ITFG1: variants seen among roughly 807,000 people sequenced by gnomAD.
ITFG1 encodes the protein integrin alpha FG-GAP repeat containing 1.
Under a neutral mutation model 81.8 loss-of-function variants are expected in ITFG1, and 34 were observed. The ratio of observed to expected loss-of-function variants is 0.42; its 90% CI spans 0.32 to 0.55. The LOEUF (loss-of-function observed/expected upper bound fraction) is 0.55, where lower values mean the gene tolerates loss of function less well. ITFG1 is among the 20% of genes least tolerant of loss of function. ITFG1 has a pLI of 0.17. For synonymous variants in ITFG1, 285 were observed against 270.6 expected, an observed-to-expected ratio of 1.05 and a Z score of -0.52; for missense variants, 672 against 755.4, an observed-to-expected ratio of 0.89 and a Z score of 1.29.
intron 12 of ITFG1, among the ~76,000 whole-genome samples, chr16:47,257,260 T>G (rs1429697310): frequency 6.6e-6 from 1 of 152,182 alleles, no homozygotes; most frequent in Non-Finnish European, 1.5e-5. Flanking sequence ...AAAACCCTCC[T>G]AGAACCAGTT....
At chr16:47,415,265 A>G (rs568591980) in intron 6 of ITFG1, among the ~76,000 whole-genome samples, 1 of 152,362 alleles carries the variant, frequency 6.6e-6, no homozygotes, top group East Asian at 1.9e-4. Context: ...TTCCTTTGCA[A>G]GAATAAAGGA....
chr16:47,410,247 C>T (rs2151602660), intron 6 of ITFG1, among the ~76,000 whole-genome samples: 1 of 152,218 alleles, frequency 6.6e-6, no homozygotes, highest in Admixed American at 6.5e-5. Flanking sequence ...CCCCTGCATT[C>T]CAGCCTGGGT....
chr16:47,180,943 T>C (rs1965102824), intron 14 of ITFG1, among the ~76,000 whole-genome samples: 3 of 139,986 alleles, frequency 2.1e-5, no homozygotes, highest in South Asian at 2.4e-4. Flanking sequence ...GTGAGGAGCG[T>C]CTCTGCCCGG....
At chr16:47,231,965 C>A (rs1204516342) in intron 13 of ITFG1, among the ~76,000 whole-genome samples, 1 of 152,088 alleles carries the variant, frequency 6.6e-6, no homozygotes, top group Non-Finnish European at 1.5e-5. Flanking sequence ...AAGAGGAAGG[C>A]AGTATGCATT....
chr16:47,341,035 A>G lies in ITFG1; in HGVS notation c.802+24753T>C, dbSNP rs1200021577. Reference sequence around the variant, plus strand: ...AATGAAGCAAAAAAGCAATAGCAGAAGAGAAACAAGAAAATTCACGAATAC... The same window carrying G: ...AATGAAGCAAAAAAGCAATAGCAGAGGAGAAACAAGAAAATTCACGAATAC... On this transcript the variant is annotated intron_variant, in intron 8 of 17. Coordinates refer to ENST00000320640, the MANE Select transcript of ITFG1 (RefSeq NM_030790.5). Among the ~76,000 whole-genome samples, 3 of 152,200 alleles carry G rather than the reference A, an allele frequency of 2.0e-5. No homozygotes were observed. In the East Asian group the frequency reaches 5.8e-4, roughly 29 times the overall value.
Position 47,287,696 on chromosome 16 carries a change from C to T in ITFG1, c.1070+23544G>A, listed in dbSNP as rs529653922. ...GTGACTACAGGTGTGTGCCACCATA[C>T]CAGGGTTGTCTGTTTTTGATTCTGG... is the stretch of plus-strand genomic sequence containing the variant. On this transcript the variant is annotated intron_variant, in intron 10 of 17. Transcript: ENST00000320640. Among the ~76,000 whole-genome samples, 11 of 152,284 alleles carry T rather than the reference C, an allele frequency of 7.2e-5. No homozygotes were observed. The South Asian group carries it at 2.1e-3, about 29-fold the overall frequency.
intron 14 of ITFG1, among the ~76,000 whole-genome samples, chr16:47,198,066 A>G (rs906826996): frequency 1.3e-5 from 2 of 152,228 alleles, no homozygotes; most frequent in African/African-American, 4.8e-5. Flanking sequence ...GAAGTTTAAG[A>G]AAACAAAATA....
chr16:47,311,202 A>C (rs756457419), intron 10 of ITFG1, 38 bp downstream of exon 10: 3 of 1,477,674 alleles, frequency 2.0e-6, no homozygotes, highest in Non-Finnish European at 2.8e-6. Context: ...TTTCTCACAT[A>C]GTTTACAAAT....
chr16:47,185,288 G>T (rs1186680539), intron 14 of ITFG1, among the ~76,000 whole-genome samples: 4 of 152,160 alleles, frequency 2.6e-5, no homozygotes, highest in African/African-American at 4.8e-5. Flanking sequence ...CTAATAGACA[G>T]CTACAGAACT....
At chr16:47,427,394 T>G (rs952936230) in intron 6 of ITFG1, among the ~76,000 whole-genome samples, 2 of 152,182 alleles carry the variant, frequency 1.3e-5, no homozygotes, top group African/African-American at 4.8e-5. Context: ...CAGTGGTTCA[T>G]GTCTGTAATC....
At chr16:47,162,417 G>T in intron 15 of ITFG1, 123 bp downstream of exon 15, 2 of 834,706 alleles carry the variant, frequency 2.4e-6, no homozygotes, top group Non-Finnish European at 3.5e-6. Flanking sequence ...TTCTTTAAAG[G>T]GAATAAAAAT....
intron 8 of ITFG1, 193 bp downstream of exon 8, chr16:47,365,595 T>C: frequency 2.1e-6 from 1 of 467,566 alleles, no homozygotes; most frequent in Non-Finnish European, 3.8e-6. Flanking sequence ...ACATCATAAA[T>C]TTCTCCTTAT....
intron 6 of ITFG1, among the ~76,000 whole-genome samples, chr16:47,400,163 A>T (rs1385666308): frequency 1.3e-5 from 2 of 152,196 alleles, no homozygotes; most frequent in Non-Finnish European, 1.5e-5. Flanking sequence ...ATTCTTAACC[A>T]TGAGGCTCCA....
At chr16:47,445,614 C>A (rs1969315330) in intron 5 of ITFG1, among the ~76,000 whole-genome samples, 1 of 152,182 alleles carries the variant, frequency 6.6e-6, no homozygotes, top group Admixed American at 6.6e-5. Context: ...GTGCCTATAT[C>A]AGGAGGTAGA....
intron 6 of ITFG1, among the ~76,000 whole-genome samples, chr16:47,406,508 A>G (rs1968731209): frequency 6.6e-6 from 1 of 152,232 alleles, no homozygotes; most frequent in Non-Finnish European, 1.5e-5. Flanking sequence ...ACTTAAAAAT[A>G]TGCTAGCTGT....
intron 8 of ITFG1, among the ~76,000 whole-genome samples, chr16:47,329,785 A>C (rs1027166569): frequency 6.6e-6 from 1 of 152,162 alleles, no homozygotes; most frequent in African/African-American, 2.4e-5. Context: ...CCATGAACAC[A>C]GATTTAGTAA....
intron 14 of ITFG1, among the ~76,000 whole-genome samples, chr16:47,185,282 TAGAC>T (rs1238245070): frequency 1.3e-5 from 2 of 152,216 alleles, no homozygotes; most frequent in African/African-American, 4.8e-5. Flanking sequence ...GCGGACCTAA[TAGAC>T]AGCTACAGAA....
At chr16:47,400,908 A>C (rs1968653812) in intron 6 of ITFG1, among the ~76,000 whole-genome samples, 2 of 152,170 alleles carry the variant, frequency 1.3e-5, no homozygotes, top group Non-Finnish European at 2.9e-5. Flanking sequence ...TCTGTTGGTT[A>C]TAAGGTGCCA....
intron 10 of ITFG1, chr16:47,299,751 C>G (rs561126761): frequency 6.6e-6 from 1 of 152,372 alleles, no homozygotes; most frequent in East Asian, 1.9e-4. Flanking sequence ...CTGAGGCAGC[C>G]AGCCAAATCA....
Sources: gnomAD v4.1 joint callset for allele counts (sites outside exome capture counted in the v4.1 genomes callset) on GRCh38, gnomAD v4.1.1 for gene constraint, MANE v1.5 for transcripts, NCBI Gene and HGNC (gene_info 2026-07-23, HGNC 2026-07-21) for gene names.